Variants in BACE2 observed in about 807,000 individuals in gnomAD.
BACE2 encodes beta-secretase 2, also known as 56 kDa aspartic-like protease.
A neutral mutation model predicts 46.2 loss-of-function variants in BACE2; 17 were observed. That is an observed-to-expected ratio of 0.37 (90% CI 0.25 to 0.55). The LOEUF is 0.55. BACE2 is among the 20% of genes least tolerant of loss of function. The probability of loss-of-function intolerance (pLI) is 0.82; values close to 1 mark genes in which losing one functional copy is unlikely to be tolerated. For synonymous variants in BACE2, 277 were observed against 295.9 expected (o/e 0.94, Z 0.66); for missense variants, 595 against 698.1 (o/e 0.85, Z 1.66).
At chr21:41,188,392 G>A (rs762188935) in intron 1 of BACE2, among the ~76,000 whole-genome samples, 7 of 152,176 alleles carry the variant, frequency 4.6e-5, no homozygotes, top group Admixed American at 1.3e-4. Context: ...GTGTTCCATG[G>A]TTGGCAGGCC....
At chr21:41,259,377 T>A (rs1294560552) in intron 8 of BACE2, among the ~76,000 whole-genome samples, 1 of 152,152 alleles carries the variant, frequency 6.6e-6, no homozygotes, top group Non-Finnish European at 1.5e-5. Flanking sequence ...TCCTCAGGGC[T>A]GCAATTAACG....
intron 6 of BACE2, among the ~76,000 whole-genome samples, chr21:41,247,236 T>C (rs1987496782): frequency 6.6e-6 from 1 of 152,082 alleles, no homozygotes; most frequent in Non-Finnish European, 1.5e-5. Flanking sequence ...CACCTGTAAC[T>C]GCTGCGGGAA....
intron 1 of BACE2, among the ~76,000 whole-genome samples, chr21:41,222,528 G>A (rs1986690057): frequency 6.6e-6 from 1 of 152,250 alleles, no homozygotes; most frequent in Admixed American, 6.5e-5. Context: ...GTGGCCTGGT[G>A]GTCAGCGTGG....
chr21:41,260,085 C>T (rs188488689), intron 8 of BACE2, among the ~76,000 whole-genome samples: 74 of 151,436 alleles, frequency 4.9e-4, no homozygotes, highest in South Asian at 8.4e-4. Flanking sequence ...CCCCCGGCCC[C>T]GCCGTGGCCT....
chr21:41,202,684 C>T (rs1368192764), intron 1 of BACE2, among the ~76,000 whole-genome samples: 2 of 152,158 alleles, frequency 1.3e-5, no homozygotes, highest in African/African-American at 4.8e-5. Flanking sequence ...ATGCACTTCC[C>T]ATCACTGAAA....
chr21:41,223,961 G>A (rs191009251), intron 1 of BACE2, among the ~76,000 whole-genome samples: 28 of 152,264 alleles, frequency 1.8e-4, no homozygotes, highest in Non-Finnish European at 2.6e-4. Flanking sequence ...GTTCAGCAGG[G>A]TGGGGAGATG....
chr21:41,200,935 A>C (rs191633262), intron 1 of BACE2, among the ~76,000 whole-genome samples: 1 of 152,300 alleles, frequency 6.6e-6, no homozygotes, highest in East Asian at 1.9e-4. Context: ...ACTGACTCAC[A>C]AACCCACTTC....
chr21:41,179,642 G>A (rs779897880), intron 1 of BACE2: 1 of 1,363,732 alleles, frequency 7.3e-7, no homozygotes. Flanking sequence ...GTTTAAAATT[G>A]TGCTCTGAGG....
At chr21:41,200,030 G>A (rs1225913832) in intron 1 of BACE2, among the ~76,000 whole-genome samples, 1 of 141,270 alleles carries the variant, frequency 7.1e-6, no homozygotes, top group African/African-American at 2.6e-5. Flanking sequence ...CACACACCAG[G>A]GCCTGTTGTG....
At chr21:41,225,285 G>T (rs142025809) in intron 1 of BACE2, among the ~76,000 whole-genome samples, 24 of 151,944 alleles carry the variant, frequency 1.6e-4, no homozygotes, top group East Asian at 9.7e-4. Context: ...TCACTCCTAG[G>T]TATTTACCCA....
chr21:41,194,673 G>C (rs1985680584), intron 1 of BACE2, among the ~76,000 whole-genome samples: 1 of 152,148 alleles, frequency 6.6e-6, no homozygotes, highest in Non-Finnish European at 1.5e-5. Context: ...ATGTTTTTGA[G>C]CTATTGGTCT....
chr21:41,242,984 A>G (rs1265902033), intron 4 of BACE2, among the ~76,000 whole-genome samples: 1 of 152,092 alleles, frequency 6.6e-6, no homozygotes, highest in Admixed American at 6.5e-5. Flanking sequence ...ACGCGATCTC[A>G]GCTCACTGCA....
At chr21:41,175,423 C>G (rs1984786164) in intron 1 of BACE2, 1 of 152,252 alleles carries the variant, frequency 6.6e-6, no homozygotes, top group Non-Finnish European at 1.5e-5. Context: ...TCACGCTAGG[C>G]TGAAAGTGGC....
intron 1 of BACE2, among the ~76,000 whole-genome samples, chr21:41,205,539 T>C (rs749488884): frequency 1.3e-5 from 2 of 152,238 alleles, no homozygotes; most frequent in Non-Finnish European, 2.9e-5. Flanking sequence ...TAACAGATTG[T>C]GTGGTTGGCA....
At chr21:41,244,245 C>T (rs1214187935) in intron 5 of BACE2, among the ~76,000 whole-genome samples, 2 of 152,190 alleles carry the variant, frequency 1.3e-5, no homozygotes, top group African/African-American at 2.4e-5. Context: ...CATCAATTCT[C>T]ATATATGCAG....
chr21:41,243,251 A>G (rs1377742263), intron 4 of BACE2, 125 bp from the exon 5 acceptor site: 17 of 778,232 alleles, frequency 2.2e-5, no homozygotes, highest in African/African-American at 1.8e-5. Context: ...GTTTCATGAC[A>G]TTGTCACGAA....
chr21:41,222,532 A>G (rs1295265266), intron 1 of BACE2, among the ~76,000 whole-genome samples: 1 of 152,238 alleles, frequency 6.6e-6, no homozygotes, highest in Non-Finnish European at 1.5e-5. Flanking sequence ...CCTGGTGGTC[A>G]GCGTGGCTGG....
intron 7 of BACE2, among the ~76,000 whole-genome samples, chr21:41,255,164 G>T (rs1049086020): frequency 3.5e-4 from 53 of 152,336 alleles, no homozygotes; most frequent in African/African-American, 1.2e-3. Flanking sequence ...GATTTGGGGG[G>T]AACAGCCAGC....
In BACE2 at chr21:41,278,979, T is replaced by C. The variant is rs1270797243; in HGVS notation, c.*3355T>C. ...CTTGCACAAACTTATTAGACTTGAT[T>C]AGAAAACTGTTTGGAGGAAAAACTT... On this transcript the variant is annotated 3_prime_UTR_variant, in exon 9 of 9. Transcript: ENST00000330333. 2 of 152,178 alleles carry C rather than the reference T, an allele frequency of 1.3e-5. No individual in the cohort carries two copies. Among genetic ancestry groups the C allele is most frequent in the Non-Finnish European group, 2.9e-5 (2 of 68,028 alleles). 9.4% of individuals were successfully genotyped at this position (152,178 alleles called of 1,614,324 possible).
Sources: gnomAD v4.1 joint callset for allele counts (sites outside exome capture counted in the v4.1 genomes callset) on GRCh38, gnomAD v4.1.1 for gene constraint, MANE v1.5 for transcripts, NCBI Gene and HGNC (gene_info 2026-07-23, HGNC 2026-07-21) for gene names.